FOXN3: variants seen among roughly 807,000 people sequenced by gnomAD.
The protein encoded by FOXN3 is forkhead box N3, also known as forkhead box protein N3.
FOXN3 carries 7 observed loss-of-function variants against 38.4 expected under a neutral mutation model. The ratio of observed to expected loss-of-function variants is 0.18; its 90% CI spans 0.10 to 0.34. The LOEUF is 0.34. Ranked by LOEUF, FOXN3 falls within the 10% of genes least tolerant of loss-of-function variation. FOXN3 has a pLI of 1.00. For missense variants in FOXN3, 456 were observed against 613.4 expected (o/e 0.74, Z 2.71); for synonymous variants, 230 against 242.2 (o/e 0.95, Z 0.47).
chr14:89,279,818 T>A (rs962473003), intron 4 of FOXN3, among the ~76,000 whole-genome samples: 7 of 152,212 alleles, frequency 4.6e-5, no homozygotes, highest in African/African-American at 1.4e-4. Context: ...AATCACAGTA[T>A]GCAATTGCGT....
rs1428189448 is a variant in FOXN3 at position 89,412,983 on chromosome 14, C to T, written c.-14-493G>A. Among the ~76,000 whole-genome samples, 5 of 152,166 alleles carry T rather than the reference C, an allele frequency of 3.3e-5. No individual in the cohort carries two copies. The stretch of plus-strand genomic sequence containing the variant: ...CTGGTGAAAAAAGTCAGGAGAGCAA[C>T]TGCCAGTTTCAAGACAGCAAATTCA... On this transcript the variant is annotated intron_variant, in intron 1 of 5. Coordinates refer to ENST00000557258, the MANE Select transcript of FOXN3 (RefSeq NM_005197.4). This position sits in a 1 kb window ranked among gnomAD's most constrained non-coding sequence, Gnocchi z 4.7.
At chr14:89,295,435 C>CAGAG (rs1887004881) in intron 3 of FOXN3, among the ~76,000 whole-genome samples, 1 of 152,190 alleles carries the variant, frequency 6.6e-6, no homozygotes, top group African/African-American at 2.4e-5. Context: ...GTCACGTGAG[C>CAGAG]AGAGGCTAAC....
rs945402758 is a variant in FOXN3 at position 89,370,194 on chromosome 14, A to G, written c.544-19386T>C. On this transcript the variant is annotated intron_variant, in intron 2 of 5. Coordinates refer to ENST00000557258, the MANE Select transcript of FOXN3 (RefSeq NM_005197.4). The stretch of plus-strand genomic sequence containing the variant: ...ATGTGACCACATATGCAGAAAAAAA[A>G]TCATCTGTTTGTACACCACATTTCA... Among the ~76,000 whole-genome samples the G allele has an allele frequency of 2.0e-5, 3 of 152,228 alleles. No homozygotes were observed. The East Asian group carries it at 5.8e-4, about 29-fold the overall frequency.
chr14:89,500,521 A>G (rs1303509048), intron 1 of FOXN3, among the ~76,000 whole-genome samples: 1 of 152,232 alleles, frequency 6.6e-6, no homozygotes, highest in East Asian at 1.9e-4. Context: ...TTGAGAGGGA[A>G]ACCAAAGAAC....
intron 1 of FOXN3, among the ~76,000 whole-genome samples, chr14:89,533,146 TAAACTC>T (rs1286053702): frequency 2.0e-5 from 3 of 152,232 alleles, no homozygotes; most frequent in African/African-American, 7.2e-5. Context: ...TGGGGCCACA[TAAACTC>T]AAAGCTAAAA....
At chr14:89,586,516 G>A (rs182312206) in intron 1 of FOXN3, among the ~76,000 whole-genome samples, 1 of 152,276 alleles carries the variant, frequency 6.6e-6, no homozygotes, top group Admixed American at 6.5e-5. Flanking sequence ...CCAGAAATAA[G>A]CTATTCAACT....
rs113569046 is a variant in FOXN3, at chr14:89,291,404, C to G, written c.681-10390G>C. On this transcript the variant is annotated intron_variant, in intron 3 of 5. Transcript: ENST00000557258. ...CTCCATGTCACCAGCAAGGATGCTACTGTTCTTTAAAAACTTGGCCACCAT... is the reference window on the plus strand; with the variant it reads ...CTCCATGTCACCAGCAAGGATGCTAGTGTTCTTTAAAAACTTGGCCACCAT... 7.9e-3 allele frequency: 4,778 copies of G among 605,586 alleles called. 181 individuals are homozygous for G. Among genetic ancestry groups the G allele is most frequent in the African/African-American group, 0.072 (3,902 of 53,864 alleles). The allele number at this position is 605,586 out of a possible 1,614,324, so 37.5% of individuals were successfully genotyped here. A position where few individuals can be genotyped will look rare whatever the true frequency, so the allele number is the denominator to read the frequency against.
intron 1 of FOXN3, among the ~76,000 whole-genome samples, chr14:89,618,079 G>A (rs1236794473): frequency 1.3e-5 from 2 of 152,082 alleles, no homozygotes; most frequent in African/African-American, 2.4e-5. Context: ...TTTCCTCAAT[G>A]AGCCAGTCGC....
intron 4 of FOXN3, among the ~76,000 whole-genome samples, chr14:89,181,118 C>A (rs1462279034): frequency 6.6e-6 from 1 of 151,662 alleles, no homozygotes; most frequent in Non-Finnish European, 1.5e-5. Context: ...AAAAAGATAC[C>A]CAGAGAGTAA....
intron 1 of FOXN3, among the ~76,000 whole-genome samples, chr14:89,542,004 C>G (rs968008146): frequency 6.6e-6 from 1 of 151,788 alleles, no homozygotes; most frequent in Non-Finnish European, 1.5e-5. Flanking sequence ...TTGGATCTCG[C>G]GTAAGAAAGA....
At chr14:89,285,727 C>T (rs764883591) in intron 3 of FOXN3, among the ~76,000 whole-genome samples, 3 of 151,784 alleles carry the variant, frequency 2.0e-5, no homozygotes, top group East Asian at 1.9e-4. Context: ...GGAGTTTAAT[C>T]GGTACAGAGG....
chr14:89,451,777 T>C (rs1892617555), intron 1 of FOXN3, among the ~76,000 whole-genome samples: 1 of 152,212 alleles, frequency 6.6e-6, no homozygotes, highest in Non-Finnish European at 1.5e-5. Context: ...TGTGTGTATA[T>C]ATACTATATG....
chr14:89,171,007 T>A (rs1350996254), intron 5 of FOXN3, among the ~76,000 whole-genome samples: 1 of 150,228 alleles, frequency 6.7e-6, no homozygotes, highest in Non-Finnish European at 1.5e-5. Flanking sequence ...ATAGCAGAAA[T>A]CAATGGAATA....
chr14:89,572,305 T>C (rs1895512044), intron 1 of FOXN3, among the ~76,000 whole-genome samples: 1 of 152,214 alleles, frequency 6.6e-6, no homozygotes, highest in Non-Finnish European at 1.5e-5. Flanking sequence ...TAAAACACAT[T>C]TCAAATAATT....
chr14:89,481,852 C>T (rs1026094967), intron 1 of FOXN3, among the ~76,000 whole-genome samples: 5 of 150,834 alleles, frequency 3.3e-5, no homozygotes, highest in African/African-American at 4.9e-5. Context: ...CAAGCTAGGG[C>T]GATCATATCA....
At chr14:89,274,288 G>A (rs966845921) in intron 4 of FOXN3, among the ~76,000 whole-genome samples, 1 of 152,194 alleles carries the variant, frequency 6.6e-6, no homozygotes, top group African/African-American at 2.4e-5. Context: ...TGGAAATCAT[G>A]AGAAAGGAAG....
At chr14:89,394,054 A>C (rs912761932) in intron 2 of FOXN3, among the ~76,000 whole-genome samples, 1 of 151,950 alleles carries the variant, frequency 6.6e-6, no homozygotes, top group Non-Finnish European at 1.5e-5. Flanking sequence ...CAAAGAGGGG[A>C]GTGGGAGAGA....
chr14:89,454,002 C>G (rs1253087973), intron 1 of FOXN3, among the ~76,000 whole-genome samples: 1 of 121,958 alleles, frequency 8.2e-6, no homozygotes, highest in Non-Finnish European at 1.8e-5. Flanking sequence ...TTAATGCCCT[C>G]TTAAGAAGAA....
intron 3 of FOXN3, among the ~76,000 whole-genome samples, chr14:89,316,084 T>G (rs1887710156): frequency 6.6e-6 from 1 of 152,222 alleles, no homozygotes; most frequent in African/African-American, 2.4e-5. Flanking sequence ...GCTTGGCCTC[T>G]TGACTTGCTA....
Sources: allele counts gnomAD v4.1 joint callset (sites outside exome capture counted in the v4.1 genomes callset), GRCh38; gene constraint gnomAD v4.1.1; non-coding constraint Gnocchi (gnomAD v3.1); transcripts MANE v1.5; gene names NCBI Gene and HGNC (gene_info 2026-07-23, HGNC 2026-07-21).